The following EDN1 variants were observed in gnomAD, a reference collection of about 807,000 sequenced individuals.
The protein encoded by EDN1 is endothelin 1, also known as endothelin-1.
In EDN1, 11 loss-of-function variants were observed where a neutral mutation model predicts 21.7. That is an observed-to-expected ratio of 0.51 (90% CI 0.32 to 0.84). The LOEUF is 0.84. Among genes scored for constraint, EDN1 ranks in the 40% least tolerant of loss-of-function variants. The pLI, the probability that EDN1 is intolerant of heterozygous loss-of-function variation, is 0.03. For synonymous variants in EDN1, 85 were observed against 90.6 expected, an observed-to-expected ratio of 0.94 and a Z score of 0.35; for missense variants, 244 against 262.3, an observed-to-expected ratio of 0.93 and a Z score of 0.48.
chr6:12,272,003 T>A, the EDN1 span, among the ~76,000 whole-genome samples: 1 of 152,148 alleles, frequency 6.6e-6, no homozygotes, highest in South Asian at 2.1e-4. Context: ...AACTTTTTTT[T>A]AAGAATGTCA....
chr6:12,266,743 G>A, the EDN1 span, among the ~76,000 whole-genome samples: 1 of 152,124 alleles, frequency 6.6e-6, no homozygotes, highest in African/African-American at 2.4e-5. Flanking sequence ...TGCATTTCAG[G>A]CCTGCAGAAA....
the EDN1 span, among the ~76,000 whole-genome samples, chr6:12,284,668 GAGAA>G: frequency 0.027 from 3,741 of 137,562 alleles, 175 homozygotes; most frequent in African/African-American, 0.095. Flanking sequence ...AAGAAAAAGA[GAGAA>G]AGAAAGAAAG....
At chr6:12,260,248 T>C in the EDN1 span, among the ~76,000 whole-genome samples, 5 of 152,186 alleles carry the variant, frequency 3.3e-5, no homozygotes, top group African/African-American at 1.2e-4. Flanking sequence ...TTCAAGGTCA[T>C]ACCATTTTTA....
chr6:12,277,977 A>C, the EDN1 span, among the ~76,000 whole-genome samples: 1 of 152,236 alleles, frequency 6.6e-6, no homozygotes, highest in Non-Finnish European at 1.5e-5. Flanking sequence ...TGGATTGATG[A>C]AGAATGCAGG....
At chr6:12,286,861 C>T (rs1762565538), upstream of EDN1, among the ~76,000 whole-genome samples, 1 of 152,170 alleles carries the variant, frequency 6.6e-6, no homozygotes, top group Admixed American at 6.5e-5. Context: ...CGCCTGTAAT[C>T]ACAGCACTGT....
the EDN1 span, among the ~76,000 whole-genome samples, chr6:12,253,466 A>G: frequency 6.6e-6 from 1 of 152,174 alleles, no homozygotes; most frequent in African/African-American, 2.4e-5. Context: ...ATCACATAAT[A>G]CCTCAAGTCT....
At chr6:12,254,943 C>T in the EDN1 span, among the ~76,000 whole-genome samples, 1 of 152,018 alleles carries the variant, frequency 6.6e-6, no homozygotes, top group Non-Finnish European at 1.5e-5. Flanking sequence ...CTGAAATCTC[C>T]AGTAACTCAG....
At chr6:12,281,832 C>T in the EDN1 span, among the ~76,000 whole-genome samples, 1 of 152,116 alleles carries the variant, frequency 6.6e-6, no homozygotes, top group East Asian at 1.9e-4. Context: ...GGGATCGAAG[C>T]CCTTGAAACA....
rs5369 is a variant in EDN1, at chr6:12,294,025, A to G, written c.318A>G (p.Glu106=). The G allele has an allele frequency of 0.89, 1,432,260 of 1,614,152 alleles. 636,141 individuals carry two copies. Among genetic ancestry groups the G allele is most frequent in the East Asian group, 0.98 (43,827 of 44,880 alleles). ...NLLPTKATDR[E]NRCQCASQKD... is the part of the protein sequence containing the mutation. ...TTCCCACAAAGGCAACAGACCGTGA[A>G]AATAGATGCCAATGTGCTAGCCAAA... Residue 106 remains glutamate (E), a synonymous_variant, in exon 3 of 5, where the codon GAA becomes GAG. Coordinates refer to ENST00000379375, the MANE Select transcript of EDN1 (RefSeq NM_001955.5).
At chr6:12,282,814 T>C in the EDN1 span, among the ~76,000 whole-genome samples, 19 of 152,224 alleles carry the variant, frequency 1.2e-4, no homozygotes, top group Non-Finnish European at 2.2e-4. Flanking sequence ...TGACACACAA[T>C]GTCATTACTC....
the EDN1 span, among the ~76,000 whole-genome samples, chr6:12,240,532 T>G: frequency 6.6e-6 from 1 of 152,222 alleles, no homozygotes; most frequent in African/African-American, 2.4e-5. Flanking sequence ...AACTTACATT[T>G]CTATTTTGTA....
chr6:12,296,007 C>G lies in EDN1; in HGVS notation c.579C>G (p.Pro193=). The G allele has an allele frequency of 6.2e-7, 1 of 1,614,018 alleles. No homozygotes were observed. The highest frequency in any genetic ancestry group is 8.5e-7 in the Non-Finnish European group (1 of 1,179,996). Residue 193 remains proline, a synonymous_variant, in exon 5 of 5, where the codon CCC becomes CCG. Coordinates refer to ENST00000379375, the MANE Select transcript of EDN1 (RefSeq NM_001955.5). ...RNSVKSSFHD[P]KLKGKPSRER... is the part of the protein sequence containing the mutation. ...GCGTCAAATCATCTTTTCATGATCC[C>G]AAGCTGAAAGGCAAGCCCTCCAGAG...
chr6:12,277,950 T>C, the EDN1 span, among the ~76,000 whole-genome samples: 1 of 152,214 alleles, frequency 6.6e-6, no homozygotes, highest in African/African-American at 2.4e-5. Flanking sequence ...TGGTTTTTAT[T>C]TTTGGACTCG....
At chr6:12,264,446 T>G in the EDN1 span, among the ~76,000 whole-genome samples, 1 of 152,210 alleles carries the variant, frequency 6.6e-6, no homozygotes, top group African/African-American at 2.4e-5. Flanking sequence ...TAAGAGAATA[T>G]TATTTGAATT....
chr6:12,260,144 CAAT>C, the EDN1 span, among the ~76,000 whole-genome samples: 1 of 151,864 alleles, frequency 6.6e-6, no homozygotes, highest in South Asian at 2.1e-4. Context: ...TCTTAAAAAA[CAAT>C]AAGAAAATTA....
At chr6:12,232,677 A>T in the EDN1 span, among the ~76,000 whole-genome samples, 1 of 152,238 alleles carries the variant, frequency 6.6e-6, no homozygotes, top group African/African-American at 2.4e-5. Flanking sequence ...TATTAAAATA[A>T]AGTTGATCCT....
At chr6:12,235,449 T>C in the EDN1 span, among the ~76,000 whole-genome samples, 1 of 152,174 alleles carries the variant, frequency 6.6e-6, no homozygotes, top group African/African-American at 2.4e-5. Flanking sequence ...AGTTCATAAC[T>C]CCCTGACTCT....
chr6:12,254,079 T>G, the EDN1 span, among the ~76,000 whole-genome samples: 1 of 152,114 alleles, frequency 6.6e-6, no homozygotes, highest in African/African-American at 2.4e-5. Flanking sequence ...AGTCTACCCA[T>G]CTGATTATAA....
the EDN1 span, among the ~76,000 whole-genome samples, chr6:12,234,267 C>T: frequency 6.6e-6 from 1 of 152,174 alleles, no homozygotes; most frequent in African/African-American, 2.4e-5. Flanking sequence ...AGTAGAGAGC[C>T]AGGATCTGAA....
Sources: gnomAD v4.1 joint callset for allele counts (sites outside exome capture counted in the v4.1 genomes callset) on GRCh38, gnomAD v4.1.1 for gene constraint, MANE v1.5 for transcripts, NCBI Gene and HGNC (gene_info 2026-07-23, HGNC 2026-07-21) for gene names.